PIK3R1: variants seen among roughly 807,000 people sequenced by gnomAD.
The protein encoded by PIK3R1 is phosphoinositide-3-kinase regulatory subunit 1.
PIK3R1 carries 29 observed loss-of-function variants against 98.0 expected under a neutral mutation model. The observed-to-expected ratio is 0.30, with a 90% CI of 0.22 to 0.40. The LOEUF (loss-of-function observed/expected upper bound fraction) is 0.40. Among genes scored for constraint, PIK3R1 ranks in the 10% least tolerant of loss-of-function variants. The pLI, the probability that PIK3R1 is intolerant of heterozygous loss-of-function variation, is 1.00. For synonymous variants in PIK3R1, 282 were observed against 311.8 expected (o/e 0.90, Z 1.01); for missense variants, 596 against 872.7 (o/e 0.68, Z 3.99).
At chr5:68,271,998 C>T (rs1746380424) in intron 2 of PIK3R1, among the ~76,000 whole-genome samples, 1 of 152,042 alleles carries the variant, frequency 6.6e-6, no homozygotes. Flanking sequence ...CACCTGTAAT[C>T]CCAGCATTTT....
intron 2 of PIK3R1, among the ~76,000 whole-genome samples, chr5:68,261,544 C>T (rs1745748431): frequency 6.6e-6 from 1 of 151,460 alleles, no homozygotes; most frequent in South Asian, 2.1e-4. Context: ...GTATTGAAAA[C>T]CCCTTTCTAG....
intron 7 of PIK3R1, among the ~76,000 whole-genome samples, chr5:68,284,139 C>G (rs1746976746): frequency 6.6e-6 from 1 of 151,830 alleles, no homozygotes; most frequent in Non-Finnish European, 1.5e-5. Context: ...ATGCCTCTCT[C>G]CTGGGGTTGG....
Position 68,279,630 on chromosome 5 carries a change from C to A in PIK3R1, c.531C>A (p.Ile177=). ...CDTPSVDLEM[I]DVHVLADAFK... is the part of the protein sequence containing the mutation. ...CACCCTCCGTGGACTTGGAAATGATCGATGTGCACGTTTTGGCTGACGCTT... is the reference window on the plus strand; with the variant it reads ...CACCCTCCGTGGACTTGGAAATGATAGATGTGCACGTTTTGGCTGACGCTT... Residue 177 remains isoleucine, a synonymous_variant, in exon 5 of 16, where the codon ATC becomes ATA. Coordinates refer to ENST00000521381, the MANE Select transcript of PIK3R1 (RefSeq NM_181523.3). 5.6e-6 allele frequency: 9 copies of A among 1,613,604 alleles called. No individual in the cohort carries two copies. The highest frequency in any genetic ancestry group is 7.6e-6 in the Non-Finnish European group (9 of 1,179,688).
rs1020455218 is a variant in PIK3R1, at chr5:68,255,115, T to C, written c.335-18275T>C. Among the ~76,000 whole-genome samples, 16 of 152,364 alleles carry C rather than the reference T, an allele frequency of 1.1e-4. No individual in the cohort carries two copies. In the East Asian group the frequency reaches 1.7e-3, roughly 17 times the overall value. ...GGTTGCTCCAGGGCTTTATTAGAGC[T>C]TCTGAGATTTCTAAGTAGGTGATGA... On this transcript the variant is annotated intron_variant, in intron 2 of 15. Transcript: ENST00000521381.
rs190565418 is a variant in PIK3R1 at position 68,300,546 on chromosome 5, C to A, written c.*2945C>A. ...GAGCATTGGGACCTCACATTACACACACGAGAGATCATAACCATGTGAAAA... is the reference window on the plus strand; with the variant it reads ...GAGCATTGGGACCTCACATTACACAAACGAGAGATCATAACCATGTGAAAA... On this transcript the variant is annotated 3_prime_UTR_variant, in exon 16 of 16. Coordinates refer to ENST00000521381, the MANE Select transcript of PIK3R1 (RefSeq NM_181523.3). 474 of 233,258 alleles carry A rather than the reference C, an allele frequency of 2.0e-3. 1 individual carries two copies. The Middle Eastern group carries it at 0.022, about 11-fold the overall frequency. The allele number at this position is 233,258 out of a possible 1,614,324, so 14.4% of individuals were successfully genotyped here. A position where few individuals can be genotyped will look rare whatever the true frequency, so the allele number is the denominator to read the frequency against.
At chr5:68,282,944 A>G (rs1387135317) in intron 7 of PIK3R1, among the ~76,000 whole-genome samples, 1 of 152,196 alleles carries the variant, frequency 6.6e-6, no homozygotes, top group Admixed American at 6.5e-5. Context: ...AGTGTCTCTC[A>G]TGTGTGCATA....
intron 2 of PIK3R1, among the ~76,000 whole-genome samples, chr5:68,267,373 TAAAAC>T (rs898255093): frequency 7.9e-5 from 12 of 152,194 alleles, no homozygotes; most frequent in Admixed American, 2.6e-4. Context: ...TGTCTAGAAA[TAAAAC>T]GAATGGACAG....
intron 15 of PIK3R1, 126 bp downstream of exon 15, chr5:68,296,467 A>C: frequency 1.2e-6 from 1 of 863,138 alleles, no homozygotes; most frequent in East Asian, 2.5e-5. Context: ...ACAGTACAAT[A>C]ATGTAGAAGA....
At chr5:68,242,508 A>G (rs1744908251) in intron 2 of PIK3R1, among the ~76,000 whole-genome samples, 1 of 152,200 alleles carries the variant, frequency 6.6e-6, no homozygotes, top group South Asian at 2.1e-4. Flanking sequence ...GAGGCCTTCC[A>G]TGGGTAGATA....
At chr5:68,236,439 C>A (rs187219210) in intron 2 of PIK3R1, among the ~76,000 whole-genome samples, 1 of 151,316 alleles carries the variant, frequency 6.6e-6, no homozygotes, top group African/African-American at 2.4e-5. Context: ...TTTGTAGAGA[C>A]GGGGTTTCAC....
At chr5:68,257,655 C>G (rs1745573138) in intron 2 of PIK3R1, among the ~76,000 whole-genome samples, 1 of 152,198 alleles carries the variant, frequency 6.6e-6, no homozygotes, top group South Asian at 2.1e-4. Flanking sequence ...CTATATATAG[C>G]ACTTTTAAAA....
chr5:68,288,850 A>C (rs1747223047), intron 7 of PIK3R1: 20 of 1,220,872 alleles, frequency 1.6e-5, no homozygotes, highest in Non-Finnish European at 2.4e-5. Flanking sequence ...CGCCCCTGTA[A>C]GCGCTGCCTG....
At chr5:68,290,041 G>A (rs536513224) in intron 7 of PIK3R1, among the ~76,000 whole-genome samples, 1 of 152,222 alleles carries the variant, frequency 6.6e-6, no homozygotes, top group African/African-American at 2.4e-5. Context: ...TTCATTGTTA[G>A]TCTATAAAGT....
At chr5:68,229,595 G>A (rs927743827) in intron 2 of PIK3R1, among the ~76,000 whole-genome samples, 1 of 152,180 alleles carries the variant, frequency 6.6e-6, no homozygotes, top group South Asian at 2.1e-4. Flanking sequence ...TTAATGGGCA[G>A]CAGGGTAGAC....
intron 2 of PIK3R1, among the ~76,000 whole-genome samples, chr5:68,245,031 C>G (rs984992175): frequency 4.6e-5 from 7 of 152,210 alleles, no homozygotes. Context: ...ATCCAAGTCA[C>G]TCTGCTTTGG....
intron 2 of PIK3R1, chr5:68,239,757 C>G (rs1744803268): frequency 2.3e-6 from 1 of 429,690 alleles, no homozygotes; most frequent in Admixed American, 2.9e-5. Flanking sequence ...GAGCCAAAGG[C>G]AGATGACTCC....
At chr5:68,288,691 T>G (rs1747210491) in intron 7 of PIK3R1, 1 of 1,612,238 alleles carries the variant, frequency 6.2e-7, no homozygotes, top group Non-Finnish European at 8.5e-7. Flanking sequence ...GGGATTTTTT[T>G]TTTTTCATTG....
At chr5:68,244,524 C>CCCA (rs1554046325) in intron 2 of PIK3R1, among the ~76,000 whole-genome samples, 1 of 34,142 alleles carries the variant, frequency 2.9e-5, no homozygotes, top group Non-Finnish European at 6.1e-5. Context: ...CGCCCCCCCG[C>CCCA]CCCCCGCCGC....
At chr5:68,273,782 A>T in intron 3 of PIK3R1, 157 bp from the exon 4 acceptor site, 1 of 676,682 alleles carries the variant, frequency 1.5e-6, no homozygotes, top group Admixed American at 2.4e-5. Context: ...TCAACATGCC[A>T]GGTAAGATTA....
Sources: gnomAD v4.1 joint callset for allele counts (sites outside exome capture counted in the v4.1 genomes callset) on GRCh38, gnomAD v4.1.1 for gene constraint, MANE v1.5 for transcripts, NCBI Gene and HGNC (gene_info 2026-07-23, HGNC 2026-07-21) for gene names.